The following RGS17 variants were observed in gnomAD, a reference collection of about 807,000 sequenced individuals.
RGS17 encodes regulator of G protein signaling 17, also known as regulator of G-protein signaling 17.
Under a neutral mutation model 25.5 loss-of-function variants are expected in RGS17, and 12 were observed. The observed-to-expected ratio is 0.47, with a 90% CI of 0.30 to 0.76. The LOEUF (loss-of-function observed/expected upper bound fraction) is 0.76, where lower values mean the gene tolerates loss of function less well. Among genes scored for constraint, RGS17 ranks in the 30% least tolerant of loss-of-function variants. The pLI, the probability that RGS17 is intolerant of heterozygous loss-of-function variation, is 0.07. For missense variants in RGS17, 196 were observed against 242.2 expected, an observed-to-expected ratio of 0.81 and a Z score of 1.27; for synonymous variants, 71 against 76.9, an observed-to-expected ratio of 0.92 and a Z score of 0.40.
At chr6:153,062,215 AAG>A (rs1562323817) in intron 1 of RGS17, among the ~76,000 whole-genome samples, 1 of 152,056 alleles carries the variant, frequency 6.6e-6, no homozygotes, top group Non-Finnish European at 1.5e-5. Context: ...ATGTCACTGA[AAG>A]AGGTACTGAA....
At chr6:153,081,630 TTC>T in intron 1 of RGS17, among the ~76,000 whole-genome samples, 2 of 6,526 alleles carry the variant, frequency 3.1e-4, no homozygotes, top group Non-Finnish European at 4.5e-4. Context: ...CCTTCTTTTT[TTC>T]CCCCTCTTTT....
intron 1 of RGS17, among the ~76,000 whole-genome samples, chr6:153,113,892 A>G (rs554722808): frequency 6.6e-6 from 1 of 152,332 alleles, no homozygotes; most frequent in East Asian, 1.9e-4. Context: ...GAGAACAAAG[A>G]CACAAAGTAC....
At chr6:153,108,445 C>T (rs1777417055) in intron 1 of RGS17, among the ~76,000 whole-genome samples, 1 of 152,130 alleles carries the variant, frequency 6.6e-6, no homozygotes, top group East Asian at 2.0e-4. Flanking sequence ...ATGAAACAGG[C>T]ATTCATTCCT....
intron 3 of RGS17, among the ~76,000 whole-genome samples, chr6:153,024,799 A>G (rs1040775167): frequency 2.0e-5 from 3 of 152,220 alleles, no homozygotes; most frequent in Non-Finnish European, 4.4e-5. Flanking sequence ...AAGCTTGGAA[A>G]TGTTCAAACT....
At chr6:153,070,343 G>T (rs143665390) in intron 1 of RGS17, among the ~76,000 whole-genome samples, 141 of 152,228 alleles carry the variant, frequency 9.3e-4, no homozygotes, top group African/African-American at 3.2e-3. Flanking sequence ...ACTCTTGGGA[G>T]AGAAGTGGAT....
chr6:153,112,093 T>C (rs933811928), intron 1 of RGS17, among the ~76,000 whole-genome samples: 21 of 152,120 alleles, frequency 1.4e-4, no homozygotes, highest in African/African-American at 4.8e-4. Flanking sequence ...GTTTGACGAA[T>C]TGACAGAAGT....
chr6:153,018,072 C>T (rs1369243542), intron 4 of RGS17, among the ~76,000 whole-genome samples: 3 of 151,892 alleles, frequency 2.0e-5, no homozygotes, highest in Non-Finnish European at 2.9e-5. Context: ...GTTTGAATTT[C>T]TCTCTTAGAA....
chr6:153,128,759 A>G (rs1777742656), intron 1 of RGS17, among the ~76,000 whole-genome samples: 3 of 152,174 alleles, frequency 2.0e-5, no homozygotes, highest in Admixed American at 6.5e-5. Context: ...GGAATAAGGA[A>G]CTTAGACCTT....
At chr6:153,100,502 C>T (rs1408258800) in intron 1 of RGS17, among the ~76,000 whole-genome samples, 2 of 151,144 alleles carry the variant, frequency 1.3e-5, no homozygotes, top group African/African-American at 4.9e-5. Context: ...ACTCTATATC[C>T]TATATGTATG....
rs1562342480 is a variant in RGS17, at chr6:153,130,891, G to T, written c.-26+233C>A. 6.6e-6 allele frequency among the ~76,000 whole-genome samples: 1 copy of T among 151,876 alleles called. No individual in the cohort carries two copies. Among genetic ancestry groups the T allele is most frequent in the African/African-American group, 2.4e-5 (1 of 41,402 alleles). On this transcript the variant is annotated intron_variant, in intron 1 of 4. Transcript: ENST00000206262. The surrounding 1 kb of genome is among the most constrained non-coding windows in gnomAD (Gnocchi z 6.4). ...CGGACCGCGTCCAGGCAGCGACGCG[G>T]GATTCAACTTCCCGGACCCGCGGCG...
At chr6:153,118,767 C>T (rs908099589) in intron 1 of RGS17, among the ~76,000 whole-genome samples, 51 of 152,010 alleles carry the variant, frequency 3.4e-4, no homozygotes, top group African/African-American at 1.2e-3. Context: ...AAGTAACTTC[C>T]TCATTGCAAA....
At chr6:153,013,136 C>T (rs1409010546) in intron 4 of RGS17, among the ~76,000 whole-genome samples, 3 of 152,166 alleles carry the variant, frequency 2.0e-5, no homozygotes, top group Non-Finnish European at 4.4e-5. Context: ...TCAAGGAAGT[C>T]GACTGGCACC....
intron 4 of RGS17, among the ~76,000 whole-genome samples, chr6:153,017,060 T>C (rs1189603019): frequency 1.3e-5 from 2 of 152,208 alleles, no homozygotes; most frequent in African/African-American, 4.8e-5. Context: ...TCTCCTCTTA[T>C]CTCAGGCCAC....
At chr6:153,067,926 A>C (rs1776732884) in intron 1 of RGS17, among the ~76,000 whole-genome samples, 1 of 152,324 alleles carries the variant, frequency 6.6e-6, no homozygotes, top group South Asian at 2.1e-4. Flanking sequence ...AGCTATAGTA[A>C]CCAAAACAGC....
intron 1 of RGS17, among the ~76,000 whole-genome samples, chr6:153,057,887 C>T (rs1017537825): frequency 2.0e-5 from 3 of 152,136 alleles, no homozygotes; most frequent in African/African-American, 7.2e-5. Context: ...TTTAAAGCCA[C>T]TGCTGATTTG....
In RGS17 at chr6:153,062,192, T is replaced by C. The variant is rs1224152691; in HGVS notation, c.-25-18149A>G. ...AAATCAGGTGCATACTCACAATACC[T>C]GGTTTTAATATCATGTCACTGAAAG... On this transcript the variant is annotated intron_variant, in intron 1 of 4. Transcript: ENST00000206262. 6.3e-5 allele frequency among the ~76,000 whole-genome samples: 9 copies of C among 143,220 alleles called. No individual in the cohort carries two copies. The Admixed American group carries it at 7.0e-4, about 11-fold the overall frequency. 94.0% of individuals were successfully genotyped at this position (143,220 alleles called of 152,430 possible).
At chr6:153,055,170 G>T (rs1040638448) in intron 1 of RGS17, among the ~76,000 whole-genome samples, 1 of 152,070 alleles carries the variant, frequency 6.6e-6, no homozygotes, top group Non-Finnish European at 1.5e-5. Context: ...ATCACATCCT[G>T]GAACCCCTAT....
intron 2 of RGS17, among the ~76,000 whole-genome samples, chr6:153,037,171 A>AACAC (rs61117365): frequency 1.5e-4 from 22 of 145,354 alleles, no homozygotes; most frequent in Admixed American, 5.6e-4. Context: ...CTACCTTTAA[A>AACAC]ACACACACAC....
chr6:153,127,626 C>T (rs1298714861), intron 1 of RGS17, among the ~76,000 whole-genome samples: 3 of 152,080 alleles, frequency 2.0e-5, no homozygotes, highest in Non-Finnish European at 2.9e-5. Flanking sequence ...TCCATATCTG[C>T]CTATAGGTAA....
Sources: allele counts gnomAD v4.1 joint callset (sites outside exome capture counted in the v4.1 genomes callset), GRCh38; gene constraint gnomAD v4.1.1; non-coding constraint Gnocchi (gnomAD v3.1); transcripts MANE v1.5; gene names NCBI Gene and HGNC (gene_info 2026-07-23, HGNC 2026-07-21).